The following KIF13B variants were observed in gnomAD, a reference collection of about 807,000 sequenced individuals.
The protein encoded by KIF13B is kinesin-like protein KIF13B.
Under a neutral mutation model 222.0 loss-of-function variants are expected in KIF13B, and 127 were observed. That is an observed-to-expected ratio of 0.57 (90% CI 0.50 to 0.66). The LOEUF (loss-of-function observed/expected upper bound fraction) is 0.66, where lower values mean the gene tolerates loss of function less well. Among genes scored for constraint, KIF13B ranks in the 30% least tolerant of loss-of-function variants. The pLI is 0.00. For missense variants in KIF13B, 2,173 were observed against 2,379.0 expected, an observed-to-expected ratio of 0.91 and a Z score of 1.80; for synonymous variants, 976 against 919.0, an observed-to-expected ratio of 1.06 and a Z score of -1.12.
intron 14 of KIF13B, among the ~76,000 whole-genome samples, chr8:29,153,288 T>C (rs1370942295): frequency 1.3e-5 from 2 of 152,032 alleles, no homozygotes; most frequent in African/African-American, 2.4e-5. Context: ...TGAATGAAAA[T>C]AACCAAACAA....
chr8:29,219,102 T>C (rs900738785), intron 2 of KIF13B: 1 of 152,222 alleles, frequency 6.6e-6, no homozygotes, highest in African/African-American at 2.4e-5. Context: ...CCCTACTACA[T>C]GGAACACAAA....
chr8:29,229,088 T>TAAAA lies in KIF13B; in HGVS notation c.149+16254_149+16257dup, dbSNP rs370080449. On this transcript the variant is annotated intron_variant, in intron 2 of 39. Transcript: ENST00000524189. ...TTTCCTAACTCCAGAATGTCAGCTT[T>TAAAA]AAAAAAAAAAAAAAAAAAAAAAAGC... Among the ~76,000 whole-genome samples, 108 of 94,636 alleles carry TAAAA rather than the reference T, an allele frequency of 1.1e-3. 2 individuals carry two copies. Among genetic ancestry groups the TAAAA allele is most frequent in the Non-Finnish European group, 1.2e-3 (61 of 50,620 alleles). The allele number at this position is 94,636 out of a possible 152,430, so 62.1% of individuals were successfully genotyped here. A position where few individuals can be genotyped will look rare whatever the true frequency, so the allele number is the denominator to read the frequency against.
At chr8:29,214,616 G>GGCA (rs1330528390) in intron 2 of KIF13B, among the ~76,000 whole-genome samples, 12 of 152,238 alleles carry the variant, frequency 7.9e-5, no homozygotes, top group African/African-American at 2.9e-4. Flanking sequence ...ATGGGTAGTA[G>GGCA]GCATATACAC....
intron 36 of KIF13B, among the ~76,000 whole-genome samples, chr8:29,095,495 G>C (rs542285277): frequency 6.6e-6 from 1 of 152,336 alleles, no homozygotes; most frequent in East Asian, 1.9e-4. Context: ...GGCTGGGTGC[G>C]GTGGCTCACG....
chr8:29,100,777 C>T (rs765144368), intron 35 of KIF13B, among the ~76,000 whole-genome samples: 12 of 152,076 alleles, frequency 7.9e-5, no homozygotes, highest in Non-Finnish European at 1.5e-4. Flanking sequence ...GCCTGATCAG[C>T]GAAATGGGGA....
rs367754867 is a variant in KIF13B at position 29,127,158 on chromosome 8, T to C, written c.3186A>G (p.Arg1062=). ...CATGTGTTCTGGGGGCTCTGAGCGG[T>C]CTAACTTTGACACATCCAATGCCAA... ...LSVGIGCVKV[R]PLRAPRTHET... Residue 1062 remains arginine (R), a synonymous_variant, in exon 25 of 40, where the codon AGA becomes AGG. Coordinates refer to ENST00000524189, the MANE Select transcript of KIF13B (RefSeq NM_015254.4). 111 of 1,613,932 alleles carry C rather than the reference T, an allele frequency of 6.9e-5. No individual in the cohort carries two copies. The African/African-American group carries it at 1.4e-3, about 21-fold the overall frequency.
At chr8:29,126,733 A>G (rs1810128914) in intron 25 of KIF13B, among the ~76,000 whole-genome samples, 1 of 152,292 alleles carries the variant, frequency 6.6e-6, no homozygotes, top group East Asian at 1.9e-4. Context: ...CCTTTTCGGG[A>G]ACCAGTGCAA....
Position 29,070,251 on chromosome 8 carries a change from C to G in KIF13B, c.*253G>C. 1.8e-6 allele frequency: 1 copy of G among 559,256 alleles called. No individual in the cohort carries two copies. Among genetic ancestry groups the G allele is most frequent in the South Asian group, 2.1e-5 (1 of 47,854 alleles). The allele number at this position is 559,256 out of a possible 1,614,324, so 34.6% of individuals were successfully genotyped here. A position where few individuals can be genotyped will look rare whatever the true frequency, so the allele number is the denominator to read the frequency against. ...ACCCAGGGTCTCAGTCCTAGCATCCCCCAGCCCCTGCGGGCACCCAGAACC... is the reference window on the plus strand; with the variant it reads ...ACCCAGGGTCTCAGTCCTAGCATCCGCCAGCCCCTGCGGGCACCCAGAACC... On this transcript the variant is annotated 3_prime_UTR_variant, in exon 40 of 40. Transcript: ENST00000524189. This position sits in a 1 kb window ranked among gnomAD's most constrained non-coding sequence, Gnocchi z 4.1.
intron 37 of KIF13B, among the ~76,000 whole-genome samples, chr8:29,087,176 T>C (rs1808083663): frequency 6.6e-6 from 1 of 152,144 alleles, no homozygotes; most frequent in Non-Finnish European, 1.5e-5. Flanking sequence ...AACTCTTTGG[T>C]AGAAAGAGGG....
chr8:29,140,181 C>T lies in KIF13B; in HGVS notation c.2495G>A (p.Arg832Gln). 1 of 1,613,670 alleles carries T rather than the reference C, an allele frequency of 6.2e-7. No individual in the cohort carries two copies. Among genetic ancestry groups the T allele is most frequent in the Non-Finnish European group, 8.5e-7 (1 of 1,179,854 alleles). ...IINQKGEVAG[R>Q]LHVEVMRLSG... is the part of the protein sequence containing the mutation. ...GAGTCGCATCACCTCCACGTGCAGC[C>T]GACCTGCCACCTGCAGCAATGAGGG... The change falls in exon 21 of 40, where the codon CGG becomes CAG. Residue 832 changes from arginine to glutamine, a missense_variant. Transcript: ENST00000524189.
At chr8:29,171,290 G>A (rs1173215356) in intron 10 of KIF13B, among the ~76,000 whole-genome samples, 1 of 152,092 alleles carries the variant, frequency 6.6e-6, no homozygotes, top group Non-Finnish European at 1.5e-5. Flanking sequence ...TCATTTAATG[G>A]TTGTTCCATC....
At position 29,072,010 on chromosome 8, in the gene KIF13B, G is replaced by A. The variant is rs1807311695; in HGVS notation, c.4828C>T (p.Pro1610Ser). The A allele has an allele frequency of 5.4e-6, 7 of 1,292,262 alleles. No individual in the cohort carries two copies. Among genetic ancestry groups the A allele is most frequent in the Non-Finnish European group, 6.8e-6 (7 of 1,023,132 alleles). The allele number at this position is 1,292,262 out of a possible 1,614,324, so 80.0% of individuals were successfully genotyped here. ...EAEPEAPISH[P>S]PPPTAVPAEE... is the part of the protein sequence containing the mutation. Reference sequence around the variant, plus strand: ...GCGGGGACGGCCGTGGGCGGTGGGGGGTGGCTGATGGGCGCCTCGGGCTCG... The same window carrying A: ...GCGGGGACGGCCGTGGGCGGTGGGGAGTGGCTGATGGGCGCCTCGGGCTCG... Residue 1610 changes from proline (P) to serine (S), a missense_variant, in exon 39 of 40, where the codon CCC becomes TCC. Transcript: ENST00000524189.
At chr8:29,245,082 C>T (rs958250579) in intron 2 of KIF13B, among the ~76,000 whole-genome samples, 4 of 152,316 alleles carry the variant, frequency 2.6e-5, no homozygotes, top group East Asian at 3.9e-4. Flanking sequence ...CTTCAAGAAG[C>T]CTTCTTCAAT....
rs543557223 is a variant in KIF13B, at chr8:29,206,092, TA to T, written c.150-9894del. On this transcript the variant is annotated intron_variant, in intron 2 of 39. Transcript: ENST00000524189. ...GATAACAGAGCAAGACCCCACCTTTTAAAAAAAAAATGAAATTAACTAATTC... is the reference window on the plus strand; with the variant it reads ...GATAACAGAGCAAGACCCCACCTTTTAAAAAAAAATGAAATTAACTAATTC... 7.3e-3 allele frequency among the ~76,000 whole-genome samples: 1,079 copies of T among 148,620 alleles called. 8 individuals are homozygous for T. Among genetic ancestry groups the T allele is most frequent in the Middle Eastern group, 0.024 (7 of 292 alleles).
Position 29,071,861 on chromosome 8 carries a change from G to C in KIF13B, c.4977C>G (p.Phe1659Leu). Residue 1659 changes from phenylalanine to leucine, a missense_variant, in exon 39 of 40, where the codon TTC (phenylalanine) becomes TTG (leucine). Around this residue, in one of 2 missense-constraint regions of KIF13B, gnomAD observed 693 missense variants for 656.2 expected, o/e 1.06. Coordinates refer to ENST00000524189, the MANE Select transcript of KIF13B (RefSeq NM_015254.4). The surrounding 1 kb of genome is among the most constrained non-coding windows in gnomAD (Gnocchi z 4.9). The stretch of plus-strand genomic sequence containing the variant: ...CGGGGTCCCCAGCCAGCATGCGCGA[G>C]AAGGAGCGCAACTCCGAGGCCCGCA... Reference protein sequence around the residue: ...RRVRASELRSFSRMLAGDPGC... With the variant: ...RRVRASELRSLSRMLAGDPGC... 3.9e-6 allele frequency: 6 copies of C among 1,536,822 alleles called. No homozygotes were observed. The highest frequency in any genetic ancestry group is 5.2e-6 in the Non-Finnish European group (6 of 1,145,770).
intron 3 of KIF13B, among the ~76,000 whole-genome samples, chr8:29,191,718 A>G (rs530982018): frequency 6.8e-4 from 103 of 152,344 alleles, no homozygotes; most frequent in Non-Finnish European, 1.2e-3. Context: ...ACTTTCTAGA[A>G]TATCACATAG....
intron 1 of KIF13B, among the ~76,000 whole-genome samples, chr8:29,260,010 TTC>T (rs1816623130): frequency 6.6e-6 from 1 of 152,152 alleles, no homozygotes; most frequent in African/African-American, 2.4e-5. Flanking sequence ...GTGAACTTTT[TTC>T]TTTTTCTTTT....
chr8:29,247,194 G>T (rs1586982981), intron 1 of KIF13B, among the ~76,000 whole-genome samples: 1 of 152,216 alleles, frequency 6.6e-6, no homozygotes, highest in East Asian at 1.9e-4. Context: ...AGACCAGCCT[G>T]AGCAACATAG....
chr8:29,106,814 T>G (rs1029104449), intron 35 of KIF13B, among the ~76,000 whole-genome samples: 4 of 152,162 alleles, frequency 2.6e-5, no homozygotes, highest in Non-Finnish European at 5.9e-5. Flanking sequence ...CAGCCAATCT[T>G]CTGTCTCTGT....
Sources: allele counts gnomAD v4.1 joint callset (sites outside exome capture counted in the v4.1 genomes callset), GRCh38; gene constraint gnomAD v4.1.1; regional missense constraint gnomAD v4.1.1; non-coding constraint Gnocchi (gnomAD v3.1); transcripts MANE v1.5; gene names NCBI Gene and HGNC (gene_info 2026-07-23, HGNC 2026-07-21).